GREB1L: variants seen among roughly 807,000 people sequenced by gnomAD.
The protein encoded by GREB1L is GREB1-like protein.
GREB1L carries 17 observed loss-of-function variants against 200.8 expected under a neutral mutation model. The ratio of observed to expected loss-of-function variants is 0.08; its 90% CI spans 0.06 to 0.13. The LOEUF is 0.13. Ranked by LOEUF, GREB1L falls within the 10% of genes least tolerant of loss-of-function variation. The pLI is 1.00. For missense variants in GREB1L, 1,657 were observed against 2,367.7 expected (o/e 0.70, Z 6.23); for synonymous variants, 789 against 893.0 (o/e 0.88, Z 2.08).
chr18:21,318,105 CAAAAAAAA>C (rs61304976), intron 1 of GREB1L, among the ~76,000 whole-genome samples: 1 of 89,668 alleles, frequency 1.1e-5, no homozygotes, highest in Non-Finnish European at 2.4e-5. Context: ...GAGATTCCGT[CAAAAAAAA>C]AAAAAAAAAA....
intron 1 of GREB1L, among the ~76,000 whole-genome samples, chr18:21,322,413 G>T (rs1294412193): frequency 6.6e-6 from 1 of 152,076 alleles, no homozygotes; most frequent in East Asian, 1.9e-4. Context: ...TCTAGGTAAA[G>T]AAAACTTTAA....
At chr18:21,449,388 A>G (rs2034405425) in intron 11 of GREB1L, 122 bp from the exon 12 acceptor site, 6 of 589,144 alleles carry the variant, frequency 1.0e-5, no homozygotes, top group Non-Finnish European at 1.8e-5. Flanking sequence ...CAAGAAAAAG[A>G]GGTTATTTTC....
At chr18:21,380,020 A>C (rs1279071750) in intron 2 of GREB1L, among the ~76,000 whole-genome samples, 1 of 152,172 alleles carries the variant, frequency 6.6e-6, no homozygotes, top group Non-Finnish European at 1.5e-5. Flanking sequence ...AACTTTTTGT[A>C]AAAAAGAAAC....
intron 1 of GREB1L, among the ~76,000 whole-genome samples, chr18:21,272,163 A>C (rs1183244488): frequency 6.6e-6 from 1 of 152,350 alleles, no homozygotes; most frequent in Non-Finnish European, 1.5e-5. Flanking sequence ...CTCATGCTGT[A>C]GTCTGACACG....
chr18:21,301,630 G>A (rs1378782196), intron 1 of GREB1L, among the ~76,000 whole-genome samples: 1 of 152,162 alleles, frequency 6.6e-6, no homozygotes, highest in Non-Finnish European at 1.5e-5. Flanking sequence ...TCTTTCCTAA[G>A]GAAACTCTAG....
In GREB1L at chr18:21,496,617, G is replaced by C. The variant is rs1239091527; in HGVS notation, c.3310G>C (p.Val1104Leu). 5 of 1,551,616 alleles carry C rather than the reference G, an allele frequency of 3.2e-6. No individual in the cohort carries two copies. In the African/African-American group the frequency reaches 6.8e-5, roughly 21 times the overall value. Reference protein sequence around the residue: ...LSGKEQERAAVSENDSDELLI... With the variant: ...LSGKEQERAALSENDSDELLI... ...CGGGAAGGAGCAGGAGAGAGCTGCT[G>C]TCAGTGAGAATGACTCCGATGAGCT... Residue 1104 changes from valine (V) to leucine (L), a missense_variant, in exon 21 of 33, where the codon GTC becomes CTC. Transcript: ENST00000424526.
rs182714800 is a variant in GREB1L, at chr18:21,525,596, A to G, written c.*2775A>G. Among the ~76,000 whole-genome samples the G allele has an allele frequency of 2.6e-5, 4 of 152,290 alleles. No individual in the cohort carries two copies. The highest frequency in any genetic ancestry group is 2.0e-4 in the Admixed American group (3 of 15,286). On this transcript the variant is annotated 3_prime_UTR_variant, in exon 33 of 33. Transcript: ENST00000424526. ...CCAATCTTTTATTTGACAGATTGCA[A>G]CTACACTCACTTTGATGTCCTTCTG...
chr18:21,406,528 A>AT (rs2030257097), intron 7 of GREB1L, among the ~76,000 whole-genome samples: 1 of 152,208 alleles, frequency 6.6e-6, no homozygotes, highest in African/African-American at 2.4e-5. Flanking sequence ...CTTTTCAATA[A>AT]TTTCTTTCTT....
chr18:21,480,944 T>TG lies in GREB1L; in HGVS notation c.2556+3591dup, dbSNP rs1414165108. Among the ~76,000 whole-genome samples the TG allele has an allele frequency of 2.0e-5, 3 of 151,952 alleles. No individual in the cohort carries two copies. In the East Asian group the frequency reaches 5.8e-4, roughly 29 times the overall value. On this transcript the variant is annotated intron_variant, in intron 17 of 32. Transcript: ENST00000424526. ...CTGAGGCAGGAGAATCACTTGAACC[T>TG]GGGAGGCGGAGTTTGCAAAGAGCCG...
At chr18:21,305,601 A>G (rs1291131060) in intron 1 of GREB1L, among the ~76,000 whole-genome samples, 1 of 152,116 alleles carries the variant, frequency 6.6e-6, no homozygotes, top group Non-Finnish European at 1.5e-5. Flanking sequence ...ACTGACTACA[A>G]TGGCCTTCTC....
intron 1 of GREB1L, among the ~76,000 whole-genome samples, chr18:21,364,052 C>G (rs532193443): frequency 2.6e-5 from 4 of 151,978 alleles, no homozygotes; most frequent in African/African-American, 9.6e-5. Context: ...TTTGTTTTTT[C>G]TTTTTTTCTT....
At chr18:21,501,249 T>G (rs76423457) in intron 23 of GREB1L, among the ~76,000 whole-genome samples, 2 of 141,860 alleles carry the variant, frequency 1.4e-5, no homozygotes, top group African/African-American at 2.6e-5. Context: ...TTTTGGGCTG[T>G]TTTTTTTTTT....
chr18:21,477,202 A>C lies in GREB1L; in HGVS notation c.2402A>C (p.His801Pro). ...SGSLSHSEPS[H>P]GLADRVINCR... ...TCTTTGTCACATAGCGAACCCAGTCATGGGCTAGCTGATAGAGTCATTAAT... is the reference window on the plus strand; with the variant it reads ...TCTTTGTCACATAGCGAACCCAGTCCTGGGCTAGCTGATAGAGTCATTAAT... The change falls in exon 17 of 33, where the codon CAT becomes CCT. Residue 801 changes from histidine (H) to proline (P), a missense_variant. Coordinates refer to ENST00000424526, the MANE Select transcript of GREB1L (RefSeq NM_001142966.3). 6.4e-7 allele frequency: 1 copy of C among 1,552,118 alleles called. No homozygotes were observed. Among genetic ancestry groups the C allele is most frequent in the Non-Finnish European group, 8.7e-7 (1 of 1,147,062 alleles).
rs538632782 is a variant in GREB1L at position 21,320,502 on chromosome 18, G to A, written c.-119-45525G>A. ...TATTGGACCAGGCGTGATGGCTCAC[G>A]CCTGTAATCCCAGCACTTTGGGAGG... On this transcript the variant is annotated intron_variant, in intron 1 of 32. Transcript: ENST00000424526. Among the ~76,000 whole-genome samples, 7 of 152,244 alleles carry A rather than the reference G, an allele frequency of 4.6e-5. No homozygotes were observed. The South Asian group carries it at 6.2e-4, about 14-fold the overall frequency.
chr18:21,246,794 A>G (rs544491170), intron 1 of GREB1L, among the ~76,000 whole-genome samples: 83 of 152,330 alleles, frequency 5.4e-4, no homozygotes, highest in African/African-American at 1.9e-3. Flanking sequence ...TGAAAATGCA[A>G]TCTTCCTTGA....
chr18:21,443,861 C>T (rs1456051671), intron 10 of GREB1L, among the ~76,000 whole-genome samples: 1 of 152,252 alleles, frequency 6.6e-6, no homozygotes, highest in Non-Finnish European at 1.5e-5. Flanking sequence ...AGTGCCTACA[C>T]ATCACGTCAT....
In GREB1L at chr18:21,505,804, A is replaced by G. The variant is rs993224561; in HGVS notation, c.4229-6A>G. On this transcript the variant is annotated splice_polypyrimidine_tract_variant and splice_region_variant and intron_variant, in intron 24 of 32. Coordinates refer to ENST00000424526, the MANE Select transcript of GREB1L (RefSeq NM_001142966.3). ...ATGGGATGGCTTTTTGCCCCTTTATACACAGAAGTGATAAAGGAATCCAAA... is the reference window on the plus strand; with the variant it reads ...ATGGGATGGCTTTTTGCCCCTTTATGCACAGAAGTGATAAAGGAATCCAAA... The G allele has an allele frequency of 1.3e-6, 2 of 1,551,016 alleles. No individual in the cohort carries two copies. The highest frequency in any genetic ancestry group is 1.7e-6 in the Non-Finnish European group (2 of 1,146,506).
In GREB1L at chr18:21,525,520, T is replaced by C. The variant is rs1452862478; in HGVS notation, c.*2699T>C. 6.6e-6 allele frequency: 1 copy of C among 152,190 alleles called. No individual in the cohort carries two copies. The highest frequency in any genetic ancestry group is 1.5e-5 in the Non-Finnish European group (1 of 68,026). The allele number at this position is 152,190 out of a possible 1,614,324, so 9.4% of individuals were successfully genotyped here. A position where few individuals can be genotyped will look rare whatever the true frequency, so the allele number is the denominator to read the frequency against. On this transcript the variant is annotated 3_prime_UTR_variant, in exon 33 of 33. Coordinates refer to ENST00000424526, the MANE Select transcript of GREB1L (RefSeq NM_001142966.3). ...AAAAGGCTGGAAGTCAGTCACATTA[T>C]AGGTTGGACAACCAAGATTAAAGAG... is the stretch of plus-strand genomic sequence containing the variant.
chr18:21,390,578 C>A (rs1310675814), intron 4 of GREB1L, among the ~76,000 whole-genome samples: 1 of 152,120 alleles, frequency 6.6e-6, no homozygotes, highest in Non-Finnish European at 1.5e-5. Context: ...CGCGCTGTCA[C>A]CAGGTTGGAG....
Sources: allele counts gnomAD v4.1 joint callset (sites outside exome capture counted in the v4.1 genomes callset), GRCh38; gene constraint gnomAD v4.1.1; transcripts MANE v1.5; gene names NCBI Gene and HGNC (gene_info 2026-07-23, HGNC 2026-07-21).